The following LINGO2 variants were observed in gnomAD, a reference collection of about 807,000 sequenced individuals.
LINGO2 encodes leucine rich repeat and Ig domain containing 2.
A neutral mutation model predicts 30.6 loss-of-function variants in LINGO2; 14 were observed. The ratio of observed to expected loss-of-function variants is 0.46; its 90% CI spans 0.30 to 0.72. The LOEUF is 0.72. LINGO2 is among the 30% of genes least tolerant of loss of function. The pLI is 0.07. For synonymous variants in LINGO2, 317 were observed against 288.5 expected (o/e 1.10, Z -1.00); for missense variants, 729 against 751.7 (o/e 0.97, Z 0.35).
At chr9:28,804,889 C>T in the LINGO2 span, among the ~76,000 whole-genome samples, 1 of 152,062 alleles carries the variant, frequency 6.6e-6, no homozygotes, top group South Asian at 2.1e-4. Context: ...ATATTCTTGT[C>T]AAGCTCCAGT....
chr9:28,777,169 C>T, the LINGO2 span, among the ~76,000 whole-genome samples: 13 of 152,160 alleles, frequency 8.5e-5, no homozygotes, highest in Admixed American at 7.2e-4. Context: ...AATTAAACCT[C>T]TTTTCTTCAT....
At chr9:28,733,085 G>T in the LINGO2 span, among the ~76,000 whole-genome samples, 1 of 152,152 alleles carries the variant, frequency 6.6e-6, no homozygotes, top group African/African-American at 2.4e-5. Context: ...GTATACTTAA[G>T]AGTATATTGC....
At chr9:29,012,120 G>C in the LINGO2 span, among the ~76,000 whole-genome samples, 1 of 152,088 alleles carries the variant, frequency 6.6e-6, no homozygotes, top group East Asian at 1.9e-4. Flanking sequence ...TACTTTGGGA[G>C]GCTGAGGCAG....
intron 4 of LINGO2, among the ~76,000 whole-genome samples, chr9:28,193,327 T>A (rs1819888490): frequency 1.3e-5 from 2 of 152,276 alleles, no homozygotes; most frequent in South Asian, 4.1e-4. Context: ...TTGCATAAAA[T>A]TCACATATAT....
the LINGO2 span, among the ~76,000 whole-genome samples, chr9:28,903,158 C>A: frequency 6.6e-6 from 1 of 150,990 alleles, no homozygotes; most frequent in African/African-American, 2.4e-5. Context: ...ACAGAAGATT[C>A]AAATAAATAA....
the LINGO2 span, among the ~76,000 whole-genome samples, chr9:28,943,294 T>A: frequency 6.6e-6 from 1 of 152,066 alleles, no homozygotes; most frequent in Non-Finnish European, 1.5e-5. Flanking sequence ...ATCAAGACAT[T>A]CTTTGACTAC....
chr9:27,992,215 T>C lies in LINGO2; in HGVS notation c.-36+20140A>G, dbSNP rs374327384. Reference sequence around the variant, plus strand: ...CCTGTCACTGACATATATAAACATTTTGACTTTATATATGTGTGCTTAAAT... The same window carrying C: ...CCTGTCACTGACATATATAAACATTCTGACTTTATATATGTGTGCTTAAAT... On this transcript the variant is annotated intron_variant, in intron 5 of 5. Transcript: ENST00000379992. 2.7e-3 allele frequency among the ~76,000 whole-genome samples: 412 copies of C among 152,192 alleles called. 3 individuals are homozygous for C. Among genetic ancestry groups the C allele is most frequent in the South Asian group, 9.7e-3 (47 of 4,826 alleles).
chr9:29,018,665 C>G, the LINGO2 span, among the ~76,000 whole-genome samples: 1 of 152,074 alleles, frequency 6.6e-6, no homozygotes, highest in Admixed American at 6.6e-5. Context: ...AGTGGCTGAG[C>G]TGGAATTATG....
chr9:29,046,798 G>T, the LINGO2 span, among the ~76,000 whole-genome samples: 17 of 151,930 alleles, frequency 1.1e-4, no homozygotes, highest in Non-Finnish European at 2.5e-4. Flanking sequence ...TTAACAGAGG[G>T]CCGGGCATGG....
chr9:27,996,585 T>C (rs1821672553), intron 5 of LINGO2, among the ~76,000 whole-genome samples: 1 of 152,066 alleles, frequency 6.6e-6, no homozygotes, highest in Non-Finnish European at 1.5e-5. Context: ...AATGGAATGG[T>C]GGTTACTAGT....
intron 4 of LINGO2, among the ~76,000 whole-genome samples, chr9:28,155,541 C>T (rs7864249): frequency 0.99 from 151,048 of 152,308 alleles, 74,915 homozygotes; most frequent in Middle Eastern, 1. Flanking sequence ...GCCCAAGATA[C>T]GTTTGTGGAA....
the LINGO2 span, among the ~76,000 whole-genome samples, chr9:29,125,664 T>G: frequency 6.6e-6 from 1 of 152,132 alleles, no homozygotes; most frequent in South Asian, 2.1e-4. Flanking sequence ...AATTTAACAT[T>G]CTGTGAAATT....
chr9:28,259,148 T>C (rs551882574), intron 4 of LINGO2, among the ~76,000 whole-genome samples: 2 of 152,018 alleles, frequency 1.3e-5, no homozygotes, highest in East Asian at 3.9e-4. Flanking sequence ...TTATTTGATC[T>C]CCCCAGTATT....
chr9:28,019,842 T>C lies in LINGO2; in HGVS notation c.-86-7437A>G, dbSNP rs559662027. Among the ~76,000 whole-genome samples the C allele has an allele frequency of 3.7e-4, 57 of 152,318 alleles. 1 individual carries two copies. The South Asian group carries it at 0.011, about 30-fold the overall frequency. The stretch of plus-strand genomic sequence containing the variant: ...TTTAACCAACTTGCTGAGTAACCTT[T>C]GGCAAATTCCCCTTGCCTCCTGGAC... On this transcript the variant is annotated intron_variant, in intron 4 of 5. Transcript: ENST00000379992.
At chr9:28,306,758 T>A (rs1202318270) in intron 3 of LINGO2, among the ~76,000 whole-genome samples, 1 of 151,922 alleles carries the variant, frequency 6.6e-6, no homozygotes, top group African/African-American at 2.4e-5. Context: ...TCACCACTGA[T>A]CCCACAGAAA....
chr9:28,527,786 T>G (rs1394775052), intron 1 of LINGO2, among the ~76,000 whole-genome samples: 1 of 152,216 alleles, frequency 6.6e-6, no homozygotes, highest in Non-Finnish European at 1.5e-5. Flanking sequence ...GGGCAGGGAC[T>G]GGTGTCTTGT....
intron 1 of LINGO2, among the ~76,000 whole-genome samples, chr9:28,568,764 A>G (rs752907182): frequency 4.6e-5 from 7 of 152,074 alleles, no homozygotes; most frequent in Non-Finnish European, 8.8e-5. Flanking sequence ...CTTCAGAAAT[A>G]AAGATGGATA....
chr9:29,151,508 G>C, the LINGO2 span, among the ~76,000 whole-genome samples: 1 of 152,146 alleles, frequency 6.6e-6, no homozygotes, highest in Non-Finnish European at 1.5e-5. Flanking sequence ...GTCTTCAACA[G>C]ACCCATCTCA....
the LINGO2 span, among the ~76,000 whole-genome samples, chr9:28,953,626 C>T: frequency 6.6e-5 from 10 of 152,006 alleles, no homozygotes; most frequent in Non-Finnish European, 1.5e-4. Flanking sequence ...ATTCAATCTG[C>T]ATTCAACCTG....
Sources: allele counts gnomAD v4.1 joint callset (sites outside exome capture counted in the v4.1 genomes callset), GRCh38; gene constraint gnomAD v4.1.1; transcripts MANE v1.5; gene names NCBI Gene and HGNC (gene_info 2026-07-23, HGNC 2026-07-21).